Variants in PIK3C2A observed in about 807,000 individuals in gnomAD.
The protein encoded by PIK3C2A is phosphatidylinositol-4-phosphate 3-kinase catalytic subunit type 2 alpha, also known as phosphatidylinositol 4-phosphate 3-kinase C2 domain-containing subunit alpha.
A neutral mutation model predicts 204.5 loss-of-function variants in PIK3C2A; 97 were observed. The observed-to-expected ratio is 0.47, with a 90% CI of 0.40 to 0.56. The LOEUF is 0.56. Ranked by LOEUF, PIK3C2A falls within the 20% of genes least tolerant of loss-of-function variation. The probability of loss-of-function intolerance (pLI) is 0.00; values close to 1 mark genes in which losing one functional copy is unlikely to be tolerated. For missense variants in PIK3C2A, 1,735 were observed against 1,969.2 expected (o/e 0.88, Z 2.25); for synonymous variants, 653 against 664.4 (o/e 0.98, Z 0.26).
intron 13 of PIK3C2A, 28 bp downstream of exon 13, chr11:17,129,272 C>T (rs1013726558): frequency 1.3e-6 from 2 of 1,591,344 alleles, no homozygotes; most frequent in Admixed American, 1.7e-5. Flanking sequence ...TCCACAGTGA[C>T]TCACCATTAC....
rs770962109 is a variant in PIK3C2A, at chr11:17,094,326, T to C, written c.4386A>G (p.Thr1462=). Residue 1462 remains threonine (T), a synonymous_variant, in exon 28 of 33, where the codon ACA becomes ACG. Transcript: ENST00000691414. The part of the protein sequence containing the change: ...GQIEPSFVFR[T]FDEFQELHNK... ...TGTGAAGTTCCTGAAATTCGTCAAA[T>C]GTTCGGAAGACAAATGATGGTTCAA... The C allele has an allele frequency of 1.9e-6, 3 of 1,611,402 alleles. No homozygotes were observed. The highest frequency in any genetic ancestry group is 2.7e-5 in the African/African-American group (2 of 74,894).
chr11:17,195,040 T>C (rs370778523), intron 1 of PIK3C2A, among the ~76,000 whole-genome samples: 2 of 152,226 alleles, frequency 1.3e-5, no homozygotes, highest in Non-Finnish European at 2.9e-5. Context: ...GTTGAGGGTA[T>C]GACACAATGA....
chr11:17,138,036 C>A, intron 8 of PIK3C2A: 1 of 638,266 alleles, frequency 1.6e-6, no homozygotes, highest in Non-Finnish European at 2.9e-6. Flanking sequence ...TTTTCTGCTC[C>A]TTGATAAGGA....
chr11:17,144,398 C>T (rs1292505659), intron 8 of PIK3C2A, among the ~76,000 whole-genome samples: 1 of 152,042 alleles, frequency 6.6e-6, no homozygotes, highest in African/African-American at 2.4e-5. Flanking sequence ...TTTTAAGTTC[C>T]TGATAGGTGG....
rs750900343 is a variant in PIK3C2A at position 17,089,591 on chromosome 11, C to T, written c.*147G>A. The stretch of plus-strand genomic sequence containing the variant: ...GTCCAACAGATGTGTTGAAATGCAG[C>T]AAGTATATTTAACTTTATAAGTTCT... On this transcript the variant is annotated 3_prime_UTR_variant, in exon 33 of 33. Coordinates refer to ENST00000691414, the MANE Select transcript of PIK3C2A (RefSeq NM_002645.4). The T allele has an allele frequency of 1.0e-4, 57 of 543,504 alleles. No individual in the cohort carries two copies. The highest frequency in any genetic ancestry group is 1.7e-4 in the Non-Finnish European group (53 of 313,618). 33.7% of individuals were successfully genotyped at this position (543,504 alleles called of 1,614,324 possible).
At chr11:17,148,541 T>C in intron 5 of PIK3C2A, 126 bp downstream of exon 5, 1 of 764,896 alleles carries the variant, frequency 1.3e-6, no homozygotes, top group South Asian at 1.9e-5. Context: ...AGTTTATTGA[T>C]TCAATAAATC....
chr11:17,199,392 C>A (rs1199591115), intron 1 of PIK3C2A, among the ~76,000 whole-genome samples: 1 of 152,040 alleles, frequency 6.6e-6, no homozygotes, highest in Admixed American at 6.6e-5. Flanking sequence ...CCCAAAAGAA[C>A]TGAAAATAGG....
intron 28 of PIK3C2A, 51 bp downstream of exon 28, chr11:17,094,210 T>A: frequency 7.0e-7 from 1 of 1,418,604 alleles, no homozygotes; most frequent in Non-Finnish European, 9.8e-7. Flanking sequence ...CTACATTTGA[T>A]AACAAGTTGT....
rs759303334 is a variant in PIK3C2A, at chr11:17,092,292, A to G, written c.4452-16T>C. On this transcript the variant is annotated splice_polypyrimidine_tract_variant and intron_variant, in intron 28 of 32. Transcript: ENST00000691414. ...ATTAGGAAAGCTACAAAAGAAAAAC[A>G]AAAACAAGTGGGATTTAAATAAGTA... 4.5e-6 allele frequency: 5 copies of G among 1,113,926 alleles called. No individual in the cohort carries two copies. 69.0% of individuals were successfully genotyped at this position (1,113,926 alleles called of 1,614,324 possible). A position where few individuals can be genotyped will look rare whatever the true frequency, so the allele number is the denominator to read the frequency against.
At position 17,095,625 on chromosome 11, in the gene PIK3C2A, TAAAA is replaced by T. The variant is rs368175518; in HGVS notation, c.4327-1244_4327-1241del. ...AAAAAATAAAAAAATAAATAATAAA[TAAAA>T]TAGTCCAGGCATGGTGGCTCACATA... On this transcript the variant is annotated intron_variant, in intron 27 of 32. Transcript: ENST00000691414. 1.3e-4 allele frequency among the ~76,000 whole-genome samples: 20 copies of T among 149,102 alleles called. No individual in the cohort carries two copies. In the East Asian group the frequency reaches 4.0e-3, roughly 30 times the overall value.
chr11:17,179,020 C>T lies in PIK3C2A; in HGVS notation c.-65-9214G>A, dbSNP rs555376230. ...CTGGGATTACAGGCGTGAGCCACCG[C>T]GCCCCCGCTGATTTTTGTATTTTTA... On this transcript the variant is annotated intron_variant, in intron 1 of 32. Coordinates refer to ENST00000691414, the MANE Select transcript of PIK3C2A (RefSeq NM_002645.4). Among the ~76,000 whole-genome samples, 966 of 151,724 alleles carry T rather than the reference C, an allele frequency of 6.4e-3. 10 individuals are homozygous for T. Among genetic ancestry groups the T allele is most frequent in the African/African-American group, 0.017 (710 of 41,402 alleles).
At chr11:17,120,307 C>T (rs1849329509) in intron 15 of PIK3C2A, among the ~76,000 whole-genome samples, 2 of 151,312 alleles carry the variant, frequency 1.3e-5, no homozygotes, top group Admixed American at 1.3e-4. Context: ...TAAGAGATAG[C>T]AAGGATTTCA....
intron 1 of PIK3C2A, among the ~76,000 whole-genome samples, chr11:17,195,742 C>A (rs11024187): frequency 0.37 from 52,002 of 139,634 alleles, 10,703 homozygotes; most frequent in Admixed American, 0.49. Context: ...GACTCTATTG[C>A]AAAAAAAAAA....
chr11:17,126,025 G>A (rs1275411240), intron 13 of PIK3C2A, among the ~76,000 whole-genome samples: 1 of 152,056 alleles, frequency 6.6e-6, no homozygotes, highest in Admixed American at 6.5e-5. Flanking sequence ...TCTGGAGGCT[G>A]AGGCATGAGA....
Position 17,168,809 on chromosome 11 carries a change from C to T in PIK3C2A, c.933G>A (p.Glu311=), listed in dbSNP as rs770272712. 8.7e-6 allele frequency: 14 copies of T among 1,613,930 alleles called. No homozygotes were observed. The South Asian group carries it at 1.4e-4, about 16-fold the overall frequency. The change falls in exon 2 of 33, where the codon GAG becomes GAA. Residue 311 remains glutamate, a synonymous_variant. Transcript: ENST00000691414. ...KDPWDAVLLE[E]RSTANCHLER... ...CAAGATGACAATTTGCTGTCGATCT[C>T]TCTTCAAGAAGAACAGCATCCCAAG...
intron 32 of PIK3C2A, among the ~76,000 whole-genome samples, chr11:17,090,408 A>T (rs563723142): frequency 6.6e-6 from 1 of 152,358 alleles, no homozygotes; most frequent in East Asian, 1.9e-4. Flanking sequence ...CGGAGGTTGC[A>T]GTGAGCCAAC....
chr11:17,168,664 GA>G lies in PIK3C2A; in HGVS notation c.1065+12del, dbSNP rs1415177923. 4 of 1,466,172 alleles carry G rather than the reference GA, an allele frequency of 2.7e-6. No homozygotes were observed. Among genetic ancestry groups the G allele is most frequent in the East Asian group, 4.6e-5 (2 of 43,934 alleles). The allele number at this position is 1,466,172 out of a possible 1,614,324, so 90.8% of individuals were successfully genotyped here. On this transcript the variant is annotated intron_variant, in intron 2 of 32. Transcript: ENST00000691414. Reference sequence around the variant, plus strand: ...TATACTAAGTTTGAGAAGTTAGTAAGAAAAGACTATACCTGAGATATATGGC... The same window carrying G: ...TATACTAAGTTTGAGAAGTTAGTAAGAAAGACTATACCTGAGATATATGGC...
chr11:17,126,810 T>G (rs1328342669), intron 13 of PIK3C2A, among the ~76,000 whole-genome samples: 1 of 152,208 alleles, frequency 6.6e-6, no homozygotes, highest in Non-Finnish European at 1.5e-5. Flanking sequence ...AGAAGTCAAC[T>G]GCCCTTCACT....
chr11:17,148,841 CTG>C, intron 4 of PIK3C2A, 54 bp from the exon 5 acceptor site: 1 of 1,436,646 alleles, frequency 7.0e-7, no homozygotes, highest in Non-Finnish European at 9.7e-7. Flanking sequence ...TTATTCAAGA[CTG>C]TATTACTTAT....
Sources: gnomAD v4.1 joint callset for allele counts (sites outside exome capture counted in the v4.1 genomes callset) on GRCh38, gnomAD v4.1.1 for gene constraint, MANE v1.5 for transcripts, NCBI Gene and HGNC (gene_info 2026-07-23, HGNC 2026-07-21) for gene names.